Variants in CLNK observed in about 807,000 individuals in gnomAD.
CLNK encodes the protein cytokine-dependent hematopoietic cell linker.
Under a neutral mutation model 68.6 loss-of-function variants are expected in CLNK, and 74 were observed. That is an observed-to-expected ratio of 1.08 (90% CI 0.89 to 1.31). The LOEUF is 1.31. CLNK is among the 50% of genes most tolerant of loss of function. The probability of loss-of-function intolerance (pLI) is 0.00; values close to 1 mark genes in which losing one functional copy is unlikely to be tolerated. For synonymous variants in CLNK, 198 were observed against 172.2 expected (o/e 1.15, Z -1.17); for missense variants, 553 against 515.3 (o/e 1.07, Z -0.71).
intron 4 of CLNK, among the ~76,000 whole-genome samples, chr4:10,572,572 A>T (rs912774270): frequency 1.2e-4 from 18 of 152,212 alleles, no homozygotes; most frequent in Admixed American, 1.3e-4. Flanking sequence ...CAATTTTTTA[A>T]AAATTTCCTT....
At chr4:10,520,053 T>A (rs78117320) in intron 15 of CLNK, among the ~76,000 whole-genome samples, 1 of 151,884 alleles carries the variant, frequency 6.6e-6, no homozygotes, top group Non-Finnish European at 1.5e-5. Context: ...TTTTTTTTTT[T>A]TGGCTCAACA....
At chr4:10,706,252 T>G in the CLNK span, among the ~76,000 whole-genome samples, 4 of 152,202 alleles carry the variant, frequency 2.6e-5, no homozygotes, top group African/African-American at 9.6e-5. Flanking sequence ...TCTTCTCAGT[T>G]TCACCCTCTG....
intron 10 of CLNK, among the ~76,000 whole-genome samples, chr4:10,541,105 T>A (rs1718996855): frequency 6.7e-6 from 1 of 149,392 alleles, no homozygotes; most frequent in Non-Finnish European, 1.5e-5. Context: ...TCCCAGCTAC[T>A]CACAAAGCTG....
chr4:10,645,302 T>G (rs1290690335), intron 2 of CLNK, among the ~76,000 whole-genome samples: 2 of 152,214 alleles, frequency 1.3e-5, no homozygotes, highest in Non-Finnish European at 2.9e-5. Flanking sequence ...TTCATGTCAC[T>G]GTCCCCAGAG....
chr4:10,605,061 C>T (rs888855194), intron 2 of CLNK, among the ~76,000 whole-genome samples: 18 of 152,164 alleles, frequency 1.2e-4, no homozygotes, highest in Non-Finnish European at 2.5e-4. Context: ...CAAGACTGCA[C>T]CATAAAAAGC....
At chr4:10,706,820 C>A in the CLNK span, among the ~76,000 whole-genome samples, 1 of 152,124 alleles carries the variant, frequency 6.6e-6, no homozygotes, top group Admixed American at 6.6e-5. Context: ...ATAAAAGACC[C>A]CCAACCAACT....
At chr4:10,611,579 T>C (rs1220901482) in intron 2 of CLNK, among the ~76,000 whole-genome samples, 1 of 151,692 alleles carries the variant, frequency 6.6e-6, no homozygotes, top group Admixed American at 6.6e-5. Context: ...CCAGAGGGGC[T>C]TCTAGAGAAG....
At chr4:10,576,151 C>T (rs1169038323) in intron 4 of CLNK, among the ~76,000 whole-genome samples, 1 of 152,186 alleles carries the variant, frequency 6.6e-6, no homozygotes, top group Non-Finnish European at 1.5e-5. Context: ...AGCGATAGAA[C>T]CTTCCTCCTC....
the CLNK span, among the ~76,000 whole-genome samples, chr4:10,712,775 A>G: frequency 1.3e-5 from 2 of 152,230 alleles, no homozygotes; most frequent in Non-Finnish European, 2.9e-5. Context: ...TAACATCACT[A>G]TGGTGAAACT....
chr4:10,530,168 G>A (rs1208580212), intron 12 of CLNK, among the ~76,000 whole-genome samples: 1 of 151,916 alleles, frequency 6.6e-6, no homozygotes, highest in East Asian at 1.9e-4. Flanking sequence ...CCTAGACTTC[G>A]GGATTTCCAG....
the CLNK span, among the ~76,000 whole-genome samples, chr4:10,733,316 C>A: frequency 2.0e-5 from 3 of 152,156 alleles, no homozygotes; most frequent in Non-Finnish European, 4.4e-5. Context: ...ACATTCATGA[C>A]AACAGCCCAC....
chr4:10,565,572 G>C (rs1437392487), intron 6 of CLNK, among the ~76,000 whole-genome samples: 1 of 148,948 alleles, frequency 6.7e-6, no homozygotes, highest in South Asian at 2.2e-4. Context: ...AATTAACCAA[G>C]TTAAAAAGTC....
rs549000986 is a variant in CLNK, at chr4:10,638,411, T to G, written c.11+29448A>C. Among the ~76,000 whole-genome samples the G allele has an allele frequency of 1.5e-3, 227 of 152,320 alleles. 5 individuals carry two copies. In the South Asian group the frequency reaches 0.025, roughly 17 times the overall value. On this transcript the variant is annotated intron_variant, in intron 2 of 18. Transcript: ENST00000226951. ...GGAAAATTGGGCAATATGGTCACCC[T>G]GAATCAAAGGTGGCTTTGGCGAAAA...
At position 10,566,200 on chromosome 4, in the gene CLNK, CA is replaced by C. The variant is rs755888924; in HGVS notation, c.151-51del. Reference sequence around the variant, plus strand: ...GAGTCAAAGGAAGGTACAATGTTGACAAAGACAGGCTACAGTGCTGGCTAGA... The same window carrying C: ...GAGTCAAAGGAAGGTACAATGTTGACAAGACAGGCTACAGTGCTGGCTAGA... On this transcript the variant is annotated intron_variant, in intron 5 of 18. Coordinates refer to ENST00000226951, the MANE Select transcript of CLNK (RefSeq NM_052964.4). The C allele has an allele frequency of 1.8e-5, 28 of 1,591,930 alleles. No homozygotes were observed. In the African/African-American group the frequency reaches 3.8e-4, roughly 21 times the overall value.
intron 2 of CLNK, among the ~76,000 whole-genome samples, chr4:10,661,104 C>G (rs1316714510): frequency 1.3e-5 from 2 of 152,196 alleles, no homozygotes; most frequent in Non-Finnish European, 2.9e-5. Context: ...GGGATTTACA[C>G]TTATTTATTC....
chr4:10,715,198 C>A, the CLNK span, among the ~76,000 whole-genome samples: 1 of 152,138 alleles, frequency 6.6e-6, no homozygotes, highest in African/African-American at 2.4e-5. Context: ...ACACTGGGGA[C>A]CTTGTTAGCA....
the CLNK span, among the ~76,000 whole-genome samples, chr4:10,730,610 G>A: frequency 2.2e-4 from 33 of 152,092 alleles, 1 homozygote; most frequent in South Asian, 5.2e-3. Flanking sequence ...TAGAACCACC[G>A]CTGAAATACA....
chr4:10,630,032 AG>A (rs1234291567), intron 2 of CLNK, among the ~76,000 whole-genome samples: 3 of 152,196 alleles, frequency 2.0e-5, no homozygotes, highest in Non-Finnish European at 4.4e-5. Flanking sequence ...AAAACCTCTG[AG>A]GGCCTGGGGA....
In CLNK at chr4:10,582,671, G is replaced by A. The variant is rs1273946972; in HGVS notation, c.112+2256C>T. Reference sequence around the variant, plus strand: ...TTGGAACATGTGTCTGTCTTCTCCAGGCTTGGAATGGTTTTCTAAAGAATA... The same window carrying A: ...TTGGAACATGTGTCTGTCTTCTCCAAGCTTGGAATGGTTTTCTAAAGAATA... On this transcript the variant is annotated intron_variant, in intron 4 of 18. Transcript: ENST00000226951. Among the ~76,000 whole-genome samples, 5 of 152,044 alleles carry A rather than the reference G, an allele frequency of 3.3e-5. No individual in the cohort carries two copies. The East Asian group carries it at 9.7e-4, about 29-fold the overall frequency.
Sources: allele counts gnomAD v4.1 joint callset (sites outside exome capture counted in the v4.1 genomes callset), GRCh38; gene constraint gnomAD v4.1.1; transcripts MANE v1.5; gene names NCBI Gene and HGNC (gene_info 2026-07-23, HGNC 2026-07-21).